Variants in ADAMTSL1 observed in about 807,000 individuals in gnomAD.
ADAMTSL1 encodes ADAMTS like 1.
Under a neutral mutation model 201.8 loss-of-function variants are expected in ADAMTSL1, and 126 were observed. The observed-to-expected ratio is 0.62, with a 90% CI of 0.54 to 0.72. The LOEUF is 0.72. ADAMTSL1 is among the 30% of genes least tolerant of loss of function. The probability of loss-of-function intolerance (pLI) is 0.00; values close to 1 mark genes in which losing one functional copy is unlikely to be tolerated. For synonymous variants in ADAMTSL1, 1,121 were observed against 903.4 expected, an observed-to-expected ratio of 1.24 and a Z score of -4.32; for missense variants, 2,679 against 2,277.8, an observed-to-expected ratio of 1.18 and a Z score of -3.59.
chr9:18,040,377 G>A (rs1385295144), intron 1 of ADAMTSL1, among the ~76,000 whole-genome samples: 1 of 152,178 alleles, frequency 6.6e-6, no homozygotes, highest in Non-Finnish European at 1.5e-5. Flanking sequence ...AGTGGTGGTG[G>A]AGAAAGCTCT....
intron 2 of ADAMTSL1, among the ~76,000 whole-genome samples, chr9:18,467,096 C>T (rs987062280): frequency 2.0e-5 from 3 of 152,116 alleles, no homozygotes; most frequent in African/African-American, 7.2e-5. Context: ...GGGTGCTGTA[C>T]TCCGTTCTGT....
intron 1 of ADAMTSL1, among the ~76,000 whole-genome samples, chr9:17,970,031 C>A (rs1384508057): frequency 1.3e-5 from 2 of 152,000 alleles, no homozygotes; most frequent in Non-Finnish European, 2.9e-5. Context: ...TTTTATCAGC[C>A]TTGAACACGT....
At chr9:18,517,674 T>A (rs1345454355) in intron 2 of ADAMTSL1, among the ~76,000 whole-genome samples, 1 of 151,638 alleles carries the variant, frequency 6.6e-6, no homozygotes, top group Non-Finnish European at 1.5e-5. Flanking sequence ...CAGTGTTTGG[T>A]TTTTTGTTCT....
At chr9:18,368,066 A>T (rs1392140052) in intron 2 of ADAMTSL1, among the ~76,000 whole-genome samples, 5 of 145,356 alleles carry the variant, frequency 3.4e-5, no homozygotes, top group Middle Eastern at 3.3e-3. Flanking sequence ...CGCCAGGCTA[A>T]TTTTTTTTTT....
intron 2 of ADAMTSL1, among the ~76,000 whole-genome samples, chr9:18,442,573 T>C (rs1327360633): frequency 6.6e-6 from 1 of 152,242 alleles, no homozygotes; most frequent in Non-Finnish European, 1.5e-5. Flanking sequence ...CTCAATTTAG[T>C]TGTATATTTC....
At chr9:18,200,546 C>A (rs1829397787) in intron 2 of ADAMTSL1, among the ~76,000 whole-genome samples, 1 of 151,996 alleles carries the variant, frequency 6.6e-6, no homozygotes, top group Non-Finnish European at 1.5e-5. Context: ...TATCATTTAA[C>A]TTAAAGTTGC....
At chr9:18,277,750 G>A (rs1034670115) in intron 2 of ADAMTSL1, among the ~76,000 whole-genome samples, 5 of 152,098 alleles carry the variant, frequency 3.3e-5, no homozygotes, top group Admixed American at 6.5e-5. Context: ...TTTCACTGGA[G>A]AATTTAATCT....
At chr9:18,807,856 A>G (rs1349857979) in intron 20 of ADAMTSL1, among the ~76,000 whole-genome samples, 2 of 151,984 alleles carry the variant, frequency 1.3e-5, no homozygotes, top group African/African-American at 4.8e-5. Flanking sequence ...CTCTGCATCT[A>G]TGTTTTTTTC....
chr9:18,488,365 G>T (rs1158549534), intron 1 of ADAMTSL1, among the ~76,000 whole-genome samples: 2 of 152,150 alleles, frequency 1.3e-5, no homozygotes, highest in African/African-American at 4.8e-5. Context: ...TTGGTCAGTA[G>T]CCAAATCAGC....
intron 1 of ADAMTSL1, among the ~76,000 whole-genome samples, chr9:18,023,281 G>A (rs1476169827): frequency 6.6e-6 from 1 of 152,084 alleles, no homozygotes; most frequent in Admixed American, 6.6e-5. Flanking sequence ...AGCTTTAGTA[G>A]GTCTGGGGTG....
intron 4 of ADAMTSL1, among the ~76,000 whole-genome samples, chr9:18,582,827 C>CACTGCACTCCA (rs1444998621): frequency 6.7e-6 from 1 of 148,828 alleles, no homozygotes; most frequent in Non-Finnish European, 1.5e-5. Flanking sequence ...CCAGCCTGGG[C>CACTGCACTCCA]GACACAACGA....
chr9:18,111,522 T>G (rs558825236), intron 1 of ADAMTSL1, among the ~76,000 whole-genome samples: 1 of 152,308 alleles, frequency 6.6e-6, no homozygotes, highest in Admixed American at 6.5e-5. Flanking sequence ...GGAAGTCATT[T>G]ACTGCCAAAA....
chr9:18,476,173 C>A (rs1281351), intron 1 of ADAMTSL1, among the ~76,000 whole-genome samples: 150,291 of 152,302 alleles, frequency 0.99, 74,177 homozygotes, highest in East Asian at 1. Flanking sequence ...ATCCCTTTGC[C>A]AAGCAATAAC....
At chr9:18,157,297 A>G (rs1488019210) in intron 1 of ADAMTSL1, among the ~76,000 whole-genome samples, 1 of 152,006 alleles carries the variant, frequency 6.6e-6, no homozygotes, top group Non-Finnish European at 1.5e-5. Flanking sequence ...TACGTTTGAT[A>G]GTTTTATTAA....
At chr9:18,348,477 T>C (rs1586940251) in intron 2 of ADAMTSL1, among the ~76,000 whole-genome samples, 2 of 152,200 alleles carry the variant, frequency 1.3e-5, no homozygotes, top group East Asian at 3.8e-4. Context: ...GGGAATGTTT[T>C]TGTGACATGT....
chr9:18,880,019 G>C (rs1243201180), intron 23 of ADAMTSL1, among the ~76,000 whole-genome samples: 1 of 152,042 alleles, frequency 6.6e-6, no homozygotes, highest in Non-Finnish European at 1.5e-5. Context: ...CACTTTCTTT[G>C]CTCATCCGTA....
chr9:18,300,155 T>G (rs575330513), intron 2 of ADAMTSL1, among the ~76,000 whole-genome samples: 1 of 152,186 alleles, frequency 6.6e-6, no homozygotes, highest in East Asian at 1.9e-4. Flanking sequence ...TAAAGACACA[T>G]GCACATGTAT....
At chr9:18,536,756 A>T (rs1004097454) in intron 3 of ADAMTSL1, among the ~76,000 whole-genome samples, 1 of 152,228 alleles carries the variant, frequency 6.6e-6, no homozygotes, top group African/African-American at 2.4e-5. Context: ...CTAGCAAACC[A>T]GTCAAACAGG....
intron 20 of ADAMTSL1, among the ~76,000 whole-genome samples, chr9:18,801,345 T>C (rs1822787415): frequency 6.6e-6 from 1 of 152,250 alleles, no homozygotes; most frequent in South Asian, 2.1e-4. Flanking sequence ...CAAACTTATA[T>C]AGTTATGTAA....
Sources: gnomAD v4.1 joint callset for allele counts (sites outside exome capture counted in the v4.1 genomes callset) on GRCh38, gnomAD v4.1.1 for gene constraint, MANE v1.5 for transcripts, NCBI Gene and HGNC (gene_info 2026-07-23, HGNC 2026-07-21) for gene names.